TMEM131: variants seen among roughly 807,000 people sequenced by gnomAD.
TMEM131 encodes transmembrane protein 131.
In TMEM131, 66 loss-of-function variants were observed where a neutral mutation model predicts 211.6. The ratio of observed to expected loss-of-function variants is 0.31; its 90% CI spans 0.26 to 0.38. TMEM131 has a LOEUF of 0.38. TMEM131 is among the 10% of genes least tolerant of loss of function. The probability of loss-of-function intolerance (pLI) is 1.00; values close to 1 mark genes in which losing one functional copy is unlikely to be tolerated. For synonymous variants in TMEM131, 844 were observed against 841.3 expected (o/e 1.00, Z -0.06); for missense variants, 2,036 against 2,299.3 (o/e 0.89, Z 2.34).
chr2:97,819,321 G>T (rs1682000164), intron 11 of TMEM131, among the ~76,000 whole-genome samples: 1 of 152,216 alleles, frequency 6.6e-6, no homozygotes, highest in African/African-American at 2.4e-5. Context: ...CTTGAAGCCA[G>T]AATGCTTAAA....
chr2:97,792,716 G>T lies in TMEM131; in HGVS notation c.3814C>A (p.Gln1272Lys). The change falls in exon 31 of 41, where the codon CAA becomes AAA. Residue 1272 changes from glutamine to lysine, a missense_variant. Around this residue, in one of 3 missense-constraint regions of TMEM131, gnomAD observed 1,623 missense variants for 1,805.9 expected, o/e 0.90. Coordinates refer to ENST00000186436, the MANE Select transcript of TMEM131 (RefSeq NM_015348.2). ...GACTTTCTGCCCGCTGTATGACCTT[G>T]AGTCACTGTGTTCGAATCTAAGACA... ...PLVLDSNTVT[Q>K]GHTAGRKSKG... 2 of 1,614,016 alleles carry T rather than the reference G, an allele frequency of 1.2e-6. No homozygotes were observed. The highest frequency in any genetic ancestry group is 2.2e-5 in the South Asian group (2 of 91,074).
intron 5 of TMEM131, among the ~76,000 whole-genome samples, chr2:97,850,710 A>T (rs1444736276): frequency 6.6e-6 from 1 of 152,002 alleles, no homozygotes; most frequent in African/African-American, 2.4e-5. Flanking sequence ...GTATCCACCT[A>T]AAAAAAATCT....
Position 97,792,662 on chromosome 2 carries a change from T to C in TMEM131, c.3868A>G (p.Ser1290Gly), listed in dbSNP as rs369723826. ...SKGAKQSQHG[S>G]QHHAHSPLEQ... ...AGCGGGCTGTGGGCATGGTGCTGGC[T>C]GCCGTGCTGGCTCTGCTTTGCCCCT... Residue 1290 changes from serine to glycine, a missense_variant, in exon 31 of 41, where the codon AGC becomes GGC. Transcript: ENST00000186436. 6.2e-6 allele frequency: 10 copies of C among 1,613,886 alleles called. No homozygotes were observed. In the African/African-American group the frequency reaches 1.3e-4, roughly 22 times the overall value.
chr2:97,970,355 A>T (rs1159988531), intron 1 of TMEM131, among the ~76,000 whole-genome samples: 1 of 152,142 alleles, frequency 6.6e-6, no homozygotes, highest in African/African-American at 2.4e-5. Context: ...GGAGGAGGTA[A>T]ATAGAGACAT....
intron 38 of TMEM131, 81 bp from the exon 39 acceptor site, chr2:97,759,830 A>T (rs768891536): frequency 2.0e-6 from 2 of 977,608 alleles, no homozygotes; most frequent in Non-Finnish European, 3.2e-6. Flanking sequence ...ACAGCTTCAC[A>T]AACAGGAGAC....
intron 33 of TMEM131, among the ~76,000 whole-genome samples, chr2:97,772,054 A>C (rs1559349041): frequency 6.6e-6 from 1 of 152,238 alleles, no homozygotes; most frequent in Non-Finnish European, 1.5e-5. Context: ...AAATTTTTAT[A>C]ACAGATCGTG....
chr2:97,932,917 T>A (rs13027882), intron 1 of TMEM131, among the ~76,000 whole-genome samples: 2 of 152,020 alleles, frequency 1.3e-5, no homozygotes, highest in African/African-American at 4.8e-5. Flanking sequence ...ATGGACTGCA[T>A]AGATGATGGT....
chr2:97,909,850 T>C (rs1676222935), intron 2 of TMEM131, among the ~76,000 whole-genome samples: 1 of 152,162 alleles, frequency 6.6e-6, no homozygotes, highest in Non-Finnish European at 1.5e-5. Flanking sequence ...GTAATAACCG[T>C]TGAGTCTGGG....
At chr2:97,798,056 T>C (rs1312071474) in intron 25 of TMEM131, among the ~76,000 whole-genome samples, 4 of 152,280 alleles carry the variant, frequency 2.6e-5, no homozygotes, top group Non-Finnish European at 5.9e-5. Flanking sequence ...ACCGAATGTT[T>C]AAATGTAAAA....
chr2:97,790,512 A>T (rs1680453791), intron 31 of TMEM131, among the ~76,000 whole-genome samples: 1 of 152,208 alleles, frequency 6.6e-6, no homozygotes, highest in African/African-American at 2.4e-5. Flanking sequence ...TGTGAAAATT[A>T]AAAAGCATTT....
At chr2:97,863,629 A>T (rs938472137) in intron 4 of TMEM131, among the ~76,000 whole-genome samples, 1 of 152,218 alleles carries the variant, frequency 6.6e-6, no homozygotes, top group African/African-American at 2.4e-5. Context: ...CATACAAATG[A>T]CAAAGAGGTA....
At chr2:97,766,316 C>T in intron 34 of TMEM131, 53 bp from the exon 35 acceptor site, 1 of 1,610,586 alleles carries the variant, frequency 6.2e-7, no homozygotes. Context: ...TCCTTTCTTT[C>T]AGGTCTATTT....
chr2:97,901,729 G>A (rs951593733), intron 3 of TMEM131, among the ~76,000 whole-genome samples: 9 of 152,136 alleles, frequency 5.9e-5, no homozygotes, highest in Non-Finnish European at 1.2e-4. Flanking sequence ...AGCTAAAAAA[G>A]TTTATCTTGT....
At chr2:97,886,551 G>C (rs976647302) in intron 4 of TMEM131, among the ~76,000 whole-genome samples, 2 of 152,174 alleles carry the variant, frequency 1.3e-5, no homozygotes, top group African/African-American at 2.4e-5. Context: ...CACACTTGAC[G>C]TCTGCAAGTA....
rs953463503 is a variant in TMEM131, at chr2:97,844,295, G to T, written c.484-34C>A. ...GAAAATAAAGTTAAATTTGTAACAA[G>T]AAAAAAAATTATACAGCTCAAGTTC... is the stretch of plus-strand genomic sequence containing the variant. On this transcript the variant is annotated intron_variant, in intron 5 of 40. Coordinates refer to ENST00000186436, the MANE Select transcript of TMEM131 (RefSeq NM_015348.2). 6.2e-6 allele frequency: 5 copies of T among 810,410 alleles called. No individual in the cohort carries two copies. The African/African-American group carries it at 7.1e-5, about 12-fold the overall frequency. 50.2% of individuals were successfully genotyped at this position (810,410 alleles called of 1,614,324 possible).
intron 4 of TMEM131, among the ~76,000 whole-genome samples, chr2:97,865,946 G>A (rs1461560431): frequency 6.6e-6 from 1 of 152,100 alleles, no homozygotes; most frequent in African/African-American, 2.4e-5. Context: ...GAAGTGGCAC[G>A]ATCTCGGCTC....
intron 14 of TMEM131, 30 bp from the exon 15 acceptor site, chr2:97,814,171 A>G (rs1681705397): frequency 6.2e-7 from 1 of 1,612,184 alleles, no homozygotes. Context: ...AAAAAAAACA[A>G]AGTGTCAGCA....
chr2:97,938,036 A>G (rs1034939487), intron 1 of TMEM131, among the ~76,000 whole-genome samples: 4 of 152,238 alleles, frequency 2.6e-5, no homozygotes, highest in Non-Finnish European at 5.9e-5. Flanking sequence ...AGCACTAAAC[A>G]TGGAAAGGAA....
intron 1 of TMEM131, among the ~76,000 whole-genome samples, chr2:97,989,953 G>A (rs1432491756): frequency 6.6e-6 from 1 of 152,198 alleles, no homozygotes; most frequent in Non-Finnish European, 1.5e-5. Flanking sequence ...GACCTCTAAT[G>A]GAAGTCTGCG....
Sources: allele counts gnomAD v4.1 joint callset (sites outside exome capture counted in the v4.1 genomes callset), GRCh38; gene constraint gnomAD v4.1.1; regional missense constraint gnomAD v4.1.1; transcripts MANE v1.5; gene names NCBI Gene and HGNC (gene_info 2026-07-23, HGNC 2026-07-21).